GDA: variants seen among roughly 807,000 people sequenced by gnomAD.
The protein encoded by GDA is cytoplasmic PSD-95 interactor.
Under a neutral mutation model 59.6 loss-of-function variants are expected in GDA, and 18 were observed. That is an observed-to-expected ratio of 0.30 (90% CI 0.21 to 0.45). The LOEUF (loss-of-function observed/expected upper bound fraction) is 0.45, where lower values mean the gene tolerates loss of function less well. Ranked by LOEUF, GDA falls within the 20% of genes least tolerant of loss-of-function variation. The pLI is 1.00. For missense variants in GDA, 427 were observed against 552.3 expected, an observed-to-expected ratio of 0.77 and a Z score of 2.27; for synonymous variants, 201 against 201.1, an observed-to-expected ratio of 1.00 and a Z score of 0.00.
At chr9:72,190,029 C>A (rs1252037928) in intron 1 of GDA, among the ~76,000 whole-genome samples, 1 of 152,126 alleles carries the variant, frequency 6.6e-6, no homozygotes, top group African/African-American at 2.4e-5. Context: ...AGGGATGAAG[C>A]TCTAATCAGT....
intron 10 of GDA, among the ~76,000 whole-genome samples, chr9:72,240,569 T>C (rs1045360279): frequency 3.3e-5 from 5 of 152,178 alleles, no homozygotes; most frequent in Non-Finnish European, 7.3e-5. Flanking sequence ...TAAAGGTCTT[T>C]GTAGATATAA....
intron 1 of GDA, among the ~76,000 whole-genome samples, chr9:72,181,413 C>T (rs924983452): frequency 6.6e-6 from 1 of 152,138 alleles, no homozygotes; most frequent in African/African-American, 2.4e-5. Context: ...GAAACCTCCA[C>T]CTCCTGGGTT....
rs139692359 is a variant in GDA, at chr9:72,189,470, G to A, written c.124-6030G>A. 3.5e-3 allele frequency among the ~76,000 whole-genome samples: 530 copies of A among 152,060 alleles called. 4 individuals are homozygous for A. Among genetic ancestry groups the A allele is most frequent in the African/African-American group, 0.012 (505 of 41,464 alleles). On this transcript the variant is annotated intron_variant, in intron 1 of 13. Transcript: ENST00000358399. ...TGGGATTACAGGCGTAAGCCACCAC[G>A]CCTGACCTGAGACTCTGGACTTTTG...
intron 1 of GDA, among the ~76,000 whole-genome samples, chr9:72,124,274 T>G (rs1825773301): frequency 6.6e-6 from 1 of 152,222 alleles, no homozygotes; most frequent in African/African-American, 2.4e-5. Context: ...GTGTTAAATA[T>G]CAGAGAAGTT....
Position 72,219,171 on chromosome 9 carries a change from G to A in GDA, c.579-308G>A, listed in dbSNP as rs1415415709. 4.6e-5 allele frequency among the ~76,000 whole-genome samples: 7 copies of A among 152,120 alleles called. No homozygotes were observed. The East Asian group carries it at 1.3e-3, about 29-fold the overall frequency. On this transcript the variant is annotated intron_variant, in intron 5 of 13. Transcript: ENST00000358399. ...TGTAATCCCAGCACTTTGGGAAGCC[G>A]AGGAGGGCGGATCACCAGGTCAGGA...
intron 10 of GDA, among the ~76,000 whole-genome samples, chr9:72,238,410 C>T (rs35815597): frequency 0.18 from 27,314 of 152,140 alleles, 2,858 homozygotes; most frequent in Middle Eastern, 0.29. Flanking sequence ...GTGAAAACAA[C>T]TTATTGTTAA....
downstream of GDA, chr9:72,252,336 A>G (rs1449789984): frequency 6.6e-6 from 1 of 152,356 alleles, no homozygotes; most frequent in African/African-American, 2.4e-5. Flanking sequence ...TTAAAAAAAT[A>G]GAATAGAATA....
intron 1 of GDA, among the ~76,000 whole-genome samples, chr9:72,187,310 A>G (rs1247367701): frequency 6.6e-6 from 1 of 152,208 alleles, no homozygotes; most frequent in Non-Finnish European, 1.5e-5. Flanking sequence ...GCTCTCATAA[A>G]TGGATTAATC....
downstream of GDA, among the ~76,000 whole-genome samples, chr9:72,252,896 C>G (rs555361646): frequency 4.7e-4 from 72 of 152,256 alleles, no homozygotes; most frequent in African/African-American, 1.7e-3. Context: ...ACATAGACAG[C>G]ACTTAAGCTA....
At chr9:72,167,206 C>T (rs1267584727) in intron 1 of GDA, among the ~76,000 whole-genome samples, 1 of 152,120 alleles carries the variant, frequency 6.6e-6, no homozygotes, top group Non-Finnish European at 1.5e-5. Context: ...TGCATCCAGA[C>T]AATGAAATGC....
At chr9:72,163,895 G>T (rs904712685) in intron 1 of GDA, among the ~76,000 whole-genome samples, 1 of 152,174 alleles carries the variant, frequency 6.6e-6, no homozygotes, top group African/African-American at 2.4e-5. Flanking sequence ...CAGCAGCCAG[G>T]CTTGCATAGA....
In GDA at chr9:72,251,009, A is replaced by G. The variant is rs148195705; in HGVS notation, c.*2667A>G. ...AGGTTGTCCTAAACAGACCAAGGAG[A>G]CTGTTCCCTAATTTATTCTCTTGGC... On this transcript the variant is annotated 3_prime_UTR_variant, in exon 14 of 14. Coordinates refer to ENST00000358399, the MANE Select transcript of GDA (RefSeq NM_004293.5). 6.8e-4 allele frequency: 395 copies of G among 577,352 alleles called. 5 individuals are homozygous for G. In the East Asian group the frequency reaches 0.011, roughly 17 times the overall value. 35.8% of individuals were successfully genotyped at this position (577,352 alleles called of 1,614,324 possible). A position where few individuals can be genotyped will look rare whatever the true frequency, so the allele number is the denominator to read the frequency against.
At chr9:72,179,211 G>A (rs62561979) in intron 1 of GDA, among the ~76,000 whole-genome samples, 25,725 of 152,172 alleles carry the variant, frequency 0.17, 2,693 homozygotes, top group East Asian at 0.5. Context: ...GCCATCAGAT[G>A]CCTTTCTGAA....
intron 10 of GDA, among the ~76,000 whole-genome samples, chr9:72,240,120 G>C (rs566636921): frequency 6.6e-6 from 1 of 152,184 alleles, no homozygotes; most frequent in East Asian, 1.9e-4. Flanking sequence ...TATTTCATTT[G>C]ATTATGATTA....
chr9:72,124,615 C>T (rs1381614060), intron 1 of GDA, among the ~76,000 whole-genome samples: 2 of 152,062 alleles, frequency 1.3e-5, no homozygotes. Flanking sequence ...AAACAGGCTG[C>T]CTTCCTAGTT....
chr9:72,256,173 G>C (rs1840877941), downstream of GDA, among the ~76,000 whole-genome samples: 3 of 152,108 alleles, frequency 2.0e-5, no homozygotes, highest in Admixed American at 2.0e-4. Context: ...TTTAAAAATG[G>C]TTAATTAGTT....
At chr9:72,165,206 A>G (rs1829148836) in intron 1 of GDA, among the ~76,000 whole-genome samples, 1 of 152,230 alleles carries the variant, frequency 6.6e-6, no homozygotes, top group African/African-American at 2.4e-5. Flanking sequence ...AAGTTAAGAA[A>G]GCATGCTGCT....
At chr9:72,151,849 T>G (rs536668292) in intron 1 of GDA, among the ~76,000 whole-genome samples, 1 of 152,188 alleles carries the variant, frequency 6.6e-6, no homozygotes, top group Non-Finnish European at 1.5e-5. Context: ...GTGATCCCCC[T>G]GCCTCGGCCT....
chr9:72,211,289 G>A (rs1000493738), intron 4 of GDA, among the ~76,000 whole-genome samples: 1 of 152,178 alleles, frequency 6.6e-6, no homozygotes, highest in Non-Finnish European at 1.5e-5. Context: ...GTTACTAGAC[G>A]TCTAGCATTG....
Sources: gnomAD v4.1 joint callset for allele counts (sites outside exome capture counted in the v4.1 genomes callset) on GRCh38, gnomAD v4.1.1 for gene constraint, MANE v1.5 for transcripts, NCBI Gene and HGNC (gene_info 2026-07-23, HGNC 2026-07-21) for gene names.